GNPDA2: variants seen among roughly 807,000 people sequenced by gnomAD.
GNPDA2 encodes glcN6P deaminase 2.
GNPDA2 carries 24 observed loss-of-function variants against 27.0 expected under a neutral mutation model. The observed-to-expected ratio is 0.89, with a 90% confidence interval of 0.64 to 1.25. The LOEUF is 1.25. Ranked by LOEUF, GNPDA2 falls within the 50% of genes most tolerant of loss-of-function variation. The pLI is 0.00. For missense variants in GNPDA2, 286 were observed against 335.1 expected, an observed-to-expected ratio of 0.85 and a Z score of 1.14; for synonymous variants, 94 against 108.4, an observed-to-expected ratio of 0.87 and a Z score of 0.83.
intron 1 of GNPDA2, among the ~76,000 whole-genome samples, chr4:44,723,794 C>T (rs935910783): frequency 1.3e-5 from 2 of 152,102 alleles, no homozygotes; most frequent in African/African-American, 4.8e-5. Flanking sequence ...AGCAAGAAAG[C>T]ACCCCATGGG....
At position 44,719,762 on chromosome 4, in the gene GNPDA2, A is replaced by T. The variant is rs544487787; in HGVS notation, c.125-1352T>A. ...GTGACAAATTCATTTTCTATTTTGTAATCAATGTGGCCAAAAAAAAAGACT... is the reference window on the plus strand; with the variant it reads ...GTGACAAATTCATTTTCTATTTTGTTATCAATGTGGCCAAAAAAAAAGACT... On this transcript the variant is annotated intron_variant, in intron 2 of 6. Coordinates refer to ENST00000295448, the MANE Select transcript of GNPDA2 (RefSeq NM_138335.3). Among the ~76,000 whole-genome samples, 14 of 152,092 alleles carry T rather than the reference A, an allele frequency of 9.2e-5. No homozygotes were observed. In the South Asian group the frequency reaches 1.5e-3, roughly 16 times the overall value.
In GNPDA2 at chr4:44,704,740, G is replaced by T. The variant is rs138501546; in HGVS notation, c.770-1598C>A. ...TTCCTGAAACGTTACCAGAAGAAAG[G>T]TTAAATGTCACAGATTCTAACCAAT... On this transcript the variant is annotated intron_variant, in intron 6 of 6. Transcript: ENST00000295448. The T allele has an allele frequency of 3.0e-4, 296 of 984,514 alleles. 4 individuals are homozygous for T. The East Asian group carries it at 0.026, about 87-fold the overall frequency. 61.0% of individuals were successfully genotyped at this position (984,514 alleles called of 1,614,324 possible).
chr4:44,712,766 T>C (rs1717054776), intron 4 of GNPDA2, among the ~76,000 whole-genome samples: 3 of 152,228 alleles, frequency 2.0e-5, no homozygotes, highest in Admixed American at 2.0e-4. Context: ...GCTGAAATTA[T>C]GAGCAAAGGT....
At chr4:44,704,666 G>A in intron 6 of GNPDA2, 1 of 907,532 alleles carries the variant, frequency 1.1e-6, no homozygotes, top group Non-Finnish European at 1.3e-6. Context: ...ATAAATAATT[G>A]CTACTTAAGT....
chr4:44,719,451 A>G (rs1462187345), intron 2 of GNPDA2, among the ~76,000 whole-genome samples: 2 of 152,094 alleles, frequency 1.3e-5, no homozygotes, highest in African/African-American at 4.8e-5. Flanking sequence ...CAAGGCTATA[A>G]ATAAATACCA....
chr4:44,704,150 T>C (rs1252576799), intron 6 of GNPDA2: 51 of 984,882 alleles, frequency 5.2e-5, no homozygotes, highest in Non-Finnish European at 6.1e-5. Context: ...GTTTGTGTAG[T>C]AGGAGAAATT....
At position 44,707,919 on chromosome 4, in the gene GNPDA2, A is replaced by C. The variant is rs771374684; in HGVS notation, c.602T>G (p.Ile201Ser). ...TGCCTTGTGTGCCCCTGTTATAAGG[A>C]TCATTACCTGAAAAATTATGAACAT... ...GTVMDAREVMILITGAHKAFA... is the reference protein window; with the variant it reads ...GTVMDAREVMSLITGAHKAFA... The change falls in exon 6 of 7, where the codon ATC (isoleucine) becomes AGC (serine). Residue 201 changes from isoleucine to serine, a missense_variant. Ile to Ser is a moderately radical substitution (Grantham distance 142, BLOSUM62 -2). Transcript: ENST00000295448. 6.4e-7 allele frequency: 1 copy of C among 1,573,074 alleles called. No individual in the cohort carries two copies.
intron 1 of GNPDA2, among the ~76,000 whole-genome samples, chr4:44,725,190 T>C (rs115327757): frequency 0.011 from 1,617 of 152,320 alleles, 21 homozygotes; most frequent in Non-Finnish European, 0.018. Flanking sequence ...ATTAACTCTA[T>C]TGTCAAAGGG....
chr4:44,707,957 C>T, intron 5 of GNPDA2, 31 bp from the exon 6 acceptor site: 3 of 1,490,482 alleles, frequency 2.0e-6, no homozygotes, highest in Non-Finnish European at 2.7e-6. Context: ...ATTGTTAAAA[C>T]TTGTTCCAAA....
Position 44,711,137 on chromosome 4 carries a change from C to A in GNPDA2, c.410G>T (p.Gly137Val), listed in dbSNP as rs758181692. ...AGCGATATGACCATCTGGACCAATTCCTTTCAAAAGAAATATACATACATA... is the reference window on the plus strand; with the variant it reads ...AGCGATATGACCATCTGGACCAATTACTTTCAAAAGAAATATACATACATA... ...EAGGIDLFVG[G>V]IGPDGHIAFN... Residue 137 changes from glycine (G) to valine (V), a missense_variant and splice_region_variant, in exon 5 of 7, where the codon GGA (glycine) becomes GTA (valine). By Grantham distance (109) the Gly-to-Val change is moderately radical. Coordinates refer to ENST00000295448, the MANE Select transcript of GNPDA2 (RefSeq NM_138335.3). 1.3e-6 allele frequency: 2 copies of A among 1,568,116 alleles called. No individual in the cohort carries two copies. The highest frequency in any genetic ancestry group is 1.7e-6 in the Non-Finnish European group (2 of 1,160,900).
chr4:44,705,141 T>TG lies in GNPDA2; in HGVS notation c.770-2000dup, dbSNP rs1402573695. The TG allele has an allele frequency of 2.2e-5, 22 of 984,880 alleles. No homozygotes were observed. The South Asian group carries it at 9.9e-4, about 44-fold the overall frequency. 61.0% of individuals were successfully genotyped at this position (984,880 alleles called of 1,614,324 possible). A position where few individuals can be genotyped will look rare whatever the true frequency, so the allele number is the denominator to read the frequency against. The stretch of plus-strand genomic sequence containing the variant: ...GATTCTGGTCAGCACTTTTTAGTGA[T>TG]GACAGAAGAAAGGGTAGTGATGTGA... On this transcript the variant is annotated intron_variant, in intron 6 of 6. Transcript: ENST00000295448.
rs1432915244 is a variant in GNPDA2, at chr4:44,702,592, T to C, written c.*489A>G. On this transcript the variant is annotated 3_prime_UTR_variant, in exon 7 of 7. Transcript: ENST00000295448. The stretch of plus-strand genomic sequence containing the variant: ...AATTTTTGATGTCTAGATGGTGCTG[T>C]AGGAAGATGACTAAGGCAACCACGT... The C allele has an allele frequency of 1.0e-6, 1 of 998,638 alleles. No homozygotes were observed. Among genetic ancestry groups the C allele is most frequent in the Non-Finnish European group, 1.2e-6 (1 of 839,324 alleles). 61.9% of individuals were successfully genotyped at this position (998,638 alleles called of 1,614,324 possible).
chr4:44,724,611 T>G (rs1376243914), intron 1 of GNPDA2, among the ~76,000 whole-genome samples: 1 of 152,196 alleles, frequency 6.6e-6, no homozygotes, highest in East Asian at 1.9e-4. Flanking sequence ...ACCAAGCTTT[T>G]TATAACATGG....
chr4:44,703,754 A>G (rs1716418371), intron 6 of GNPDA2: 1 of 984,668 alleles, frequency 1.0e-6, no homozygotes, highest in Non-Finnish European at 1.2e-6. Flanking sequence ...TCATTTTGTA[A>G]TTGGTACATA....
chr4:44,703,458 T>A, intron 6 of GNPDA2: 2 of 1,066,544 alleles, frequency 1.9e-6, no homozygotes, highest in Non-Finnish European at 2.3e-6. Flanking sequence ...ACTTAGATAA[T>A]AGGTTTTAAT....
At chr4:44,722,489 T>C (rs1314946654) in intron 1 of GNPDA2, among the ~76,000 whole-genome samples, 1 of 152,164 alleles carries the variant, frequency 6.6e-6, no homozygotes, top group Non-Finnish European at 1.5e-5. Context: ...TAGTTAGCCT[T>C]CTGTGGATTC....
chr4:44,721,760 TGGTA>T (rs1185983997), intron 2 of GNPDA2, among the ~76,000 whole-genome samples: 1 of 152,042 alleles, frequency 6.6e-6, no homozygotes, highest in African/African-American at 2.4e-5. Context: ...AACTAAAAAC[TGGTA>T]TGAATGGTAA....
chr4:44,711,153 T>C lies in GNPDA2; in HGVS notation c.410-16A>G. On this transcript the variant is annotated splice_polypyrimidine_tract_variant and intron_variant, in intron 4 of 6. Transcript: ENST00000295448. ...GGACCAATTCCTTTCAAAAGAAATA[T>C]ACATACATATACACATGAAGTAAAT... is the stretch of plus-strand genomic sequence containing the variant. 1 of 1,476,630 alleles carries C rather than the reference T, an allele frequency of 6.8e-7. No individual in the cohort carries two copies. The highest frequency in any genetic ancestry group is 2.5e-5 in the East Asian group (1 of 40,790). 91.5% of individuals were successfully genotyped at this position (1,476,630 alleles called of 1,614,324 possible). A position where few individuals can be genotyped will look rare whatever the true frequency, so the allele number is the denominator to read the frequency against.
At chr4:44,725,822 G>A (rs1465770468) in intron 1 of GNPDA2, among the ~76,000 whole-genome samples, 5 of 152,112 alleles carry the variant, frequency 3.3e-5, no homozygotes, top group Non-Finnish European at 4.4e-5. Flanking sequence ...CTTCCTTCAG[G>A]TGCTGATTCA....
Sources: allele counts gnomAD v4.1 joint callset (sites outside exome capture counted in the v4.1 genomes callset), GRCh38; gene constraint gnomAD v4.1.1; transcripts MANE v1.5; gene names NCBI Gene and HGNC (gene_info 2026-07-23, HGNC 2026-07-21).